Variants in RELN observed in about 807,000 individuals in gnomAD.
RELN encodes reelin.
A neutral mutation model predicts 427.6 loss-of-function variants in RELN; 108 were observed. The observed-to-expected ratio is 0.25, with a 90% CI of 0.22 to 0.30. The LOEUF (loss-of-function observed/expected upper bound fraction) is 0.30, where lower values mean the gene tolerates loss of function less well. RELN is among the 10% of genes least tolerant of loss of function. RELN has a pLI of 1.00. For synonymous variants in RELN, 1,524 were observed against 1,513.4 expected, an observed-to-expected ratio of 1.01 and a Z score of -0.16; for missense variants, 3,715 against 4,302.8, an observed-to-expected ratio of 0.86 and a Z score of 3.82.
intron 31 of RELN, among the ~76,000 whole-genome samples, chr7:103,571,569 G>T (rs1273732679): frequency 3.3e-5 from 5 of 152,158 alleles, no homozygotes; most frequent in African/African-American, 1.2e-4. Flanking sequence ...TCATGGGCAG[G>T]TTACTTGACC....
chr7:103,475,002 GAGCAACAGCTA>G (rs1276785716), intron 64 of RELN, among the ~76,000 whole-genome samples: 1 of 152,020 alleles, frequency 6.6e-6, no homozygotes, highest in Non-Finnish European at 1.5e-5. Context: ...CTTATCTATG[GAGCAACAGCTA>G]AGCCAACTTA....
At chr7:103,842,993 C>A (rs1325029838) in intron 2 of RELN, among the ~76,000 whole-genome samples, 1 of 152,136 alleles carries the variant, frequency 6.6e-6, no homozygotes, top group East Asian at 1.9e-4. Flanking sequence ...GAAACCCTGT[C>A]TGCCTATGTT....
At chr7:103,817,315 A>T (rs912857589) in intron 3 of RELN, among the ~76,000 whole-genome samples, 2 of 152,150 alleles carry the variant, frequency 1.3e-5, no homozygotes, top group African/African-American at 4.8e-5. Flanking sequence ...GTAAATCCTC[A>T]CTTCTAGGTG....
chr7:103,638,374 C>T (rs1832627859), intron 17 of RELN, among the ~76,000 whole-genome samples: 2 of 152,068 alleles, frequency 1.3e-5, no homozygotes, highest in Non-Finnish European at 2.9e-5. Context: ...GAGAACCAGG[C>T]CTGGGATTGT....
At position 103,863,833 on chromosome 7, in the gene RELN, A is replaced by G. The variant is rs139762167; in HGVS notation, c.338-30161T>C. ...CTTTGCAATCAATTTTTTTTTTTTT[A>G]GAAAAAAATCCTCTAAGTTTTGCAG... On this transcript the variant is annotated intron_variant, in intron 2 of 64. Coordinates refer to ENST00000428762, the MANE Select transcript of RELN (RefSeq NM_005045.4). 3.0e-3 allele frequency among the ~76,000 whole-genome samples: 433 copies of G among 145,540 alleles called. 8 individuals are homozygous for G. Among genetic ancestry groups the G allele is most frequent in the Admixed American group, 0.025 (368 of 14,604 alleles).
At chr7:103,971,083 C>A in intron 1 of RELN, among the ~76,000 whole-genome samples, 1 of 146,424 alleles carries the variant, frequency 6.8e-6, no homozygotes, top group African/African-American at 2.5e-5. Flanking sequence ...ACCTGGGAGG[C>A]GGAGGATGCA....
chr7:103,589,517 G>A, intron 28 of RELN, 79 bp downstream of exon 28: 1 of 943,072 alleles, frequency 1.1e-6, no homozygotes. Flanking sequence ...GATCTTTCAG[G>A]ATTACAACAT....
At chr7:103,846,356 G>A (rs141870213) in intron 2 of RELN, among the ~76,000 whole-genome samples, 3 of 152,126 alleles carry the variant, frequency 2.0e-5, no homozygotes, top group African/African-American at 7.2e-5. Flanking sequence ...AATGATGTTG[G>A]GAAAACTGGC....
At position 103,611,636 on chromosome 7, in the gene RELN, C is replaced by G. The variant is rs766405676; in HGVS notation, c.2870G>C (p.Gly957Ala). The G allele has an allele frequency of 6.2e-7, 1 of 1,613,416 alleles. No homozygotes were observed. Among genetic ancestry groups the G allele is most frequent in the Non-Finnish European group, 8.5e-7 (1 of 1,179,842 alleles). Residue 957 changes from glycine to alanine, a missense_variant, in exon 21 of 65, where the codon GGC (glycine) becomes GCC (alanine). By Grantham distance (60) the Gly-to-Ala change is moderately conservative. Transcript: ENST00000428762. ...QVKLEYSTNHGLTWHLVQEEC... is the reference protein window; with the variant it reads ...QVKLEYSTNHALTWHLVQEEC... ...TTCTTGGACGAGGTGCCAGGTAAGGCCGTGGTTGGTTGAGTACTCCAGCTT... is the reference window on the plus strand; with the variant it reads ...TTCTTGGACGAGGTGCCAGGTAAGGGCGTGGTTGGTTGAGTACTCCAGCTT...
At chr7:103,650,508 C>G (rs1041047347) in intron 15 of RELN, 125 bp from the exon 16 acceptor site, 4 of 728,158 alleles carry the variant, frequency 5.5e-6, no homozygotes, top group South Asian at 4.4e-5. Context: ...CCAATAAACT[C>G]TTTAAATTCA....
At chr7:103,697,346 G>A (rs113969002) in intron 10 of RELN, among the ~76,000 whole-genome samples, 48 of 152,120 alleles carry the variant, frequency 3.2e-4, no homozygotes, top group Non-Finnish European at 5.7e-4. Flanking sequence ...CTAGACACAC[G>A]ATTCCTCCTT....
intron 2 of RELN, among the ~76,000 whole-genome samples, chr7:103,861,329 A>G (rs919129070): frequency 6.6e-6 from 1 of 152,192 alleles, no homozygotes; most frequent in African/African-American, 2.4e-5. Flanking sequence ...AGAATGCAAC[A>G]TACTACAAAT....
chr7:103,606,690 T>C (rs1009176344), intron 22 of RELN, among the ~76,000 whole-genome samples: 1 of 152,210 alleles, frequency 6.6e-6, no homozygotes, highest in Non-Finnish European at 1.5e-5. Flanking sequence ...GAAACTTGTC[T>C]TAGGTTACAT....
Position 103,563,837 on chromosome 7 carries a change from T to G in RELN, c.5210+1441A>C, listed in dbSNP as rs919622284. On this transcript the variant is annotated intron_variant, in intron 34 of 64. Coordinates refer to ENST00000428762, the MANE Select transcript of RELN (RefSeq NM_005045.4). This position sits in a 1 kb window ranked among gnomAD's most constrained non-coding sequence, Gnocchi z 4.1. Reference sequence around the variant, plus strand: ...TTAGATATACAAATACTTGGAATTATGTTACAATTGCTTACAGTATTTAGT... The same window carrying G: ...TTAGATATACAAATACTTGGAATTAGGTTACAATTGCTTACAGTATTTAGT... 9.9e-5 allele frequency among the ~76,000 whole-genome samples: 15 copies of G among 152,226 alleles called. No individual in the cohort carries two copies. The highest frequency in any genetic ancestry group is 3.6e-4 in the African/African-American group (15 of 41,466).
chr7:103,670,968 A>G (rs1320373003), intron 11 of RELN, among the ~76,000 whole-genome samples: 1 of 152,058 alleles, frequency 6.6e-6, no homozygotes, highest in African/African-American at 2.4e-5. Context: ...TGGCTATAAG[A>G]TCCTATATTG....
chr7:103,899,391 G>C (rs745470014), intron 2 of RELN, among the ~76,000 whole-genome samples: 10 of 152,062 alleles, frequency 6.6e-5, no homozygotes, highest in Admixed American at 1.3e-4. Flanking sequence ...CATTCCTTCT[G>C]AAACTATGCC....
chr7:103,560,728 ATC>A (rs1374498309), intron 36 of RELN, among the ~76,000 whole-genome samples: 2 of 152,144 alleles, frequency 1.3e-5, no homozygotes, highest in South Asian at 2.1e-4. Context: ...AGACTTGTAA[ATC>A]TCTCTCAGGC....
intron 6 of RELN, among the ~76,000 whole-genome samples, chr7:103,747,425 T>TA (rs34179574): frequency 0.54 from 82,429 of 151,388 alleles, 22,773 homozygotes; most frequent in African/African-American, 0.63. Flanking sequence ...ATAATAAAAT[T>TA]AAAAAAATAA....
At position 103,812,581 on chromosome 7, in the gene RELN, T is replaced by C. The variant is rs546302174; in HGVS notation, c.473+20956A>G. On this transcript the variant is annotated intron_variant, in intron 3 of 64. Transcript: ENST00000428762. The stretch of plus-strand genomic sequence containing the variant: ...GGAAAGAGGGTCTTCTATTGCAGTT[T>C]ATAGCTGGCTAGCACTGGATTTCCC... 2.6e-5 allele frequency among the ~76,000 whole-genome samples: 4 copies of C among 152,350 alleles called. No homozygotes were observed. In the South Asian group the frequency reaches 8.3e-4, roughly 32 times the overall value.
Sources: gnomAD v4.1 joint callset for allele counts (sites outside exome capture counted in the v4.1 genomes callset) on GRCh38, gnomAD v4.1.1 for gene constraint, Gnocchi (gnomAD v3.1) non-coding constraint, MANE v1.5 for transcripts, NCBI Gene and HGNC (gene_info 2026-07-23, HGNC 2026-07-21) for gene names.